NKAIN2: variants seen among roughly 807,000 people sequenced by gnomAD.
The protein encoded by NKAIN2 is sodium/potassium transporting ATPase interacting 2, also known as sodium/potassium-transporting ATPase subunit beta-1-interacting protein 2.
In NKAIN2, 14 loss-of-function variants were observed where a neutral mutation model predicts 32.6. That is an observed-to-expected ratio of 0.43 (90% CI 0.28 to 0.67). The LOEUF (loss-of-function observed/expected upper bound fraction) is 0.67. Ranked by LOEUF, NKAIN2 falls within the 30% of genes least tolerant of loss-of-function variation. The pLI is 0.17. For missense variants in NKAIN2, 198 were observed against 258.3 expected (o/e 0.77, Z 1.60); for synonymous variants, 80 against 87.2 (o/e 0.92, Z 0.46).
chr6:124,079,830 C>T (rs888974376), intron 1 of NKAIN2, among the ~76,000 whole-genome samples: 2 of 151,710 alleles, frequency 1.3e-5, no homozygotes, highest in African/African-American at 4.8e-5. Flanking sequence ...GACAGTCTCC[C>T]GAAACACAGG....
At chr6:124,778,514 A>C (rs899169455) in intron 4 of NKAIN2, among the ~76,000 whole-genome samples, 1 of 151,992 alleles carries the variant, frequency 6.6e-6, no homozygotes, top group South Asian at 2.1e-4. Context: ...GTGTATAATA[A>C]AAAAATTTTA....
At chr6:124,752,790 G>T (rs1777786137) in intron 4 of NKAIN2, among the ~76,000 whole-genome samples, 1 of 151,978 alleles carries the variant, frequency 6.6e-6, no homozygotes, top group South Asian at 2.1e-4. Context: ...AATGAATTCT[G>T]CTTGTGAAAT....
chr6:124,368,304 CT>C (rs1799608827), intron 3 of NKAIN2, among the ~76,000 whole-genome samples: 1 of 152,094 alleles, frequency 6.6e-6, no homozygotes, highest in Non-Finnish European at 1.5e-5. Flanking sequence ...TCATAGTTCT[CT>C]TGTTTCCTCT....
intron 2 of NKAIN2, among the ~76,000 whole-genome samples, chr6:124,349,591 C>A (rs1294890966): frequency 1.3e-5 from 2 of 152,144 alleles, no homozygotes; most frequent in African/African-American, 4.8e-5. Context: ...CTGTTGCAGT[C>A]ACTTGCATCC....
At chr6:123,944,045 A>G (rs1372936973) in intron 1 of NKAIN2, among the ~76,000 whole-genome samples, 5 of 151,992 alleles carry the variant, frequency 3.3e-5, no homozygotes, top group Admixed American at 6.6e-5. Flanking sequence ...TGTTCTCTCT[A>G]TAGTCCTAGG....
chr6:124,094,325 TGA>T (rs1784558856), intron 1 of NKAIN2, among the ~76,000 whole-genome samples: 1 of 152,168 alleles, frequency 6.6e-6, no homozygotes, highest in Non-Finnish European at 1.5e-5. Context: ...TATATCTCCT[TGA>T]AACCTCCCAT....
At chr6:124,622,344 AC>A (rs892367315) in intron 3 of NKAIN2, among the ~76,000 whole-genome samples, 9 of 152,102 alleles carry the variant, frequency 5.9e-5, no homozygotes, top group African/African-American at 2.2e-4. Flanking sequence ...CAGGGGTGTG[AC>A]TCACCTATTC....
At chr6:123,962,389 G>A (rs531507307) in intron 1 of NKAIN2, among the ~76,000 whole-genome samples, 6 of 152,238 alleles carry the variant, frequency 3.9e-5, no homozygotes, top group Non-Finnish European at 8.8e-5. Flanking sequence ...AGATGGACAC[G>A]ATTCTATTTC....
intron 3 of NKAIN2, among the ~76,000 whole-genome samples, chr6:124,500,323 A>G (rs549314864): frequency 1.3e-5 from 2 of 152,248 alleles, no homozygotes; most frequent in South Asian, 4.1e-4. Flanking sequence ...ATACAAAAAA[A>G]TGAGATGACA....
At chr6:124,349,236 A>AC (rs991434430) in intron 2 of NKAIN2, among the ~76,000 whole-genome samples, 4 of 151,716 alleles carry the variant, frequency 2.6e-5, no homozygotes, top group African/African-American at 9.7e-5. Flanking sequence ...TAGCTGGTTT[A>AC]CCCCCTCACA....
chr6:124,058,393 G>A (rs1238364216), intron 1 of NKAIN2, among the ~76,000 whole-genome samples: 1 of 152,028 alleles, frequency 6.6e-6, no homozygotes, highest in Non-Finnish European at 1.5e-5. Context: ...AGTATATTGT[G>A]AGATTATTTA....
chr6:124,444,114 G>A (rs1775797607), intron 3 of NKAIN2, among the ~76,000 whole-genome samples: 1 of 151,846 alleles, frequency 6.6e-6, no homozygotes, highest in Non-Finnish European at 1.5e-5. Context: ...CATAGCACCT[G>A]GCATGCAGTA....
At chr6:124,640,000 A>T (rs993932710) in intron 3 of NKAIN2, among the ~76,000 whole-genome samples, 1 of 152,192 alleles carries the variant, frequency 6.6e-6, no homozygotes, top group Non-Finnish European at 1.5e-5. Flanking sequence ...TCCAACACAA[A>T]GGATAAATAT....
intron 1 of NKAIN2, among the ~76,000 whole-genome samples, chr6:124,266,300 A>G (rs1008509000): frequency 6.6e-6 from 1 of 152,060 alleles, no homozygotes; most frequent in Non-Finnish European, 1.5e-5. Flanking sequence ...TATTTAACCC[A>G]TATTTATCAC....
chr6:124,059,231 T>A (rs1444763667), intron 1 of NKAIN2, among the ~76,000 whole-genome samples: 2 of 152,140 alleles, frequency 1.3e-5, no homozygotes, highest in Non-Finnish European at 2.9e-5. Flanking sequence ...TAGAATAATA[T>A]CCAGACCCAT....
At chr6:124,558,323 A>T (rs1282455802) in intron 3 of NKAIN2, among the ~76,000 whole-genome samples, 2 of 152,192 alleles carry the variant, frequency 1.3e-5, no homozygotes, top group East Asian at 3.9e-4. Flanking sequence ...TCTTGGATTG[A>T]ATGGGTGAAT....
chr6:124,182,749 A>G (rs1197071788), intron 1 of NKAIN2, among the ~76,000 whole-genome samples: 1 of 152,172 alleles, frequency 6.6e-6, no homozygotes, highest in Non-Finnish European at 1.5e-5. Context: ...TCAGATGGTA[A>G]GTGTATTTTA....
At chr6:124,808,746 C>T (rs1290416225) in intron 5 of NKAIN2, among the ~76,000 whole-genome samples, 4 of 152,214 alleles carry the variant, frequency 2.6e-5, no homozygotes, top group African/African-American at 9.6e-5. Context: ...ATTGTCTCTG[C>T]CCAAACTCTC....
intron 1 of NKAIN2, among the ~76,000 whole-genome samples, chr6:123,826,666 T>C (rs1482569967): frequency 6.6e-6 from 1 of 152,182 alleles, no homozygotes; most frequent in Non-Finnish European, 1.5e-5. Flanking sequence ...TCAAGGTTCA[T>C]CCATTTTGTA....
Sources: gnomAD v4.1 joint callset for allele counts (sites outside exome capture counted in the v4.1 genomes callset) on GRCh38, gnomAD v4.1.1 for gene constraint, MANE v1.5 for transcripts, NCBI Gene and HGNC (gene_info 2026-07-23, HGNC 2026-07-21) for gene names.